Variants in RBFOX1 observed in about 807,000 individuals in gnomAD.
RBFOX1 encodes the protein RNA binding protein fox-1 homolog 1.
RBFOX1 carries 8 observed loss-of-function variants against 57.7 expected under a neutral mutation model. The ratio of observed to expected loss-of-function variants is 0.14; its 90% CI spans 0.08 to 0.25. The LOEUF (loss-of-function observed/expected upper bound fraction) is 0.25, where lower values mean the gene tolerates loss of function less well. RBFOX1 is among the 10% of genes least tolerant of loss of function. The pLI is 1.00. For missense variants in RBFOX1, 611 were observed against 548.5 expected (o/e 1.11, Z -1.14); for synonymous variants, 326 against 222.4 (o/e 1.47, Z -4.15).
intron 3 of RBFOX1, among the ~76,000 whole-genome samples, chr16:6,860,677 G>A (rs1030706361): frequency 4.6e-5 from 7 of 152,148 alleles, no homozygotes; most frequent in Admixed American, 3.9e-4. Flanking sequence ...AAGATAAATT[G>A]TAGCAAAAGT....
chr16:6,840,127 TTTA>T (rs1480492305), intron 3 of RBFOX1, among the ~76,000 whole-genome samples: 10 of 152,148 alleles, frequency 6.6e-5, no homozygotes, highest in African/African-American at 2.2e-4. Context: ...TCTTGGTGAG[TTTA>T]TTTTTTCATG....
At chr16:6,483,437 C>A in intron 2 of RBFOX1, 2 of 1,535,612 alleles carry the variant, frequency 1.3e-6, no homozygotes, top group Middle Eastern at 1.7e-4. Context: ...TTTGCTGTTG[C>A]CTCGGACTTC....
At chr16:5,408,768 A>T (rs2151458070) in intron 1 of RBFOX1, among the ~76,000 whole-genome samples, 1 of 152,352 alleles carries the variant, frequency 6.6e-6, no homozygotes, top group Admixed American at 6.5e-5. Flanking sequence ...AAGCAGGAGC[A>T]GGCACTTCCC....
intron 4 of RBFOX1, among the ~76,000 whole-genome samples, chr16:7,461,144 T>A (rs1365646693): frequency 2.0e-5 from 3 of 152,060 alleles, no homozygotes; most frequent in African/African-American, 7.2e-5. Flanking sequence ...TGATAAGAAT[T>A]GACTGAGGAT....
intron 2 of RBFOX1, among the ~76,000 whole-genome samples, chr16:6,552,942 C>G (rs888412320): frequency 3.3e-5 from 5 of 152,030 alleles, no homozygotes; most frequent in African/African-American, 1.2e-4. Context: ...ATGTTACAAT[C>G]TTTTCTAATT....
At chr16:7,697,363 A>G (rs1031940672) in intron 14 of RBFOX1, among the ~76,000 whole-genome samples, 1 of 152,158 alleles carries the variant, frequency 6.6e-6, no homozygotes, top group African/African-American at 2.4e-5. Context: ...AGTTAATTCC[A>G]TGGAGCACCA....
At chr16:6,400,682 T>A (rs1307005970) in intron 2 of RBFOX1, among the ~76,000 whole-genome samples, 1 of 152,080 alleles carries the variant, frequency 6.6e-6, no homozygotes, top group Non-Finnish European at 1.5e-5. Context: ...TCAAGAGTGA[T>A]TTCAAGTGAA....
intron 4 of RBFOX1, among the ~76,000 whole-genome samples, chr16:7,189,427 A>G (rs1602363198): frequency 1.1e-5 from 1 of 94,776 alleles, no homozygotes. Flanking sequence ...CTCCCTCTCA[A>G]AAAAAAAAAA....
At chr16:6,257,683 T>C (rs1019693547) in intron 1 of RBFOX1, among the ~76,000 whole-genome samples, 1 of 152,188 alleles carries the variant, frequency 6.6e-6, no homozygotes, top group African/African-American at 2.4e-5. Flanking sequence ...TATTTGGTTT[T>C]CTATTCCTGC....
chr16:7,560,680 A>G lies in RBFOX1; in HGVS notation c.271-19097A>G, dbSNP rs968421363. On this transcript the variant is annotated intron_variant, in intron 5 of 15. Transcript: ENST00000550418. Reference sequence around the variant, plus strand: ...AATTGAGATTCAGAAAGGGCGAGTGACTTTCTCAGTCACACAGCATCATGT... The same window carrying G: ...AATTGAGATTCAGAAAGGGCGAGTGGCTTTCTCAGTCACACAGCATCATGT... 1.4e-4 allele frequency among the ~76,000 whole-genome samples: 21 copies of G among 152,194 alleles called. No homozygotes were observed. In the East Asian group the frequency reaches 3.5e-3, roughly 25 times the overall value.
At chr16:6,506,062 G>C (rs534473752) in intron 2 of RBFOX1, among the ~76,000 whole-genome samples, 1 of 152,200 alleles carries the variant, frequency 6.6e-6, no homozygotes, top group Non-Finnish European at 1.5e-5. Flanking sequence ...TAGCAAAGCA[G>C]TTAGCAAAGG....
At chr16:5,556,678 C>T (rs1597511287) in intron 2 of RBFOX1, among the ~76,000 whole-genome samples, 1 of 152,210 alleles carries the variant, frequency 6.6e-6, no homozygotes, top group Admixed American at 6.5e-5. Context: ...GGGCACCTTC[C>T]ATGTGATACT....
chr16:5,849,818 A>G (rs895999441), intron 3 of RBFOX1, among the ~76,000 whole-genome samples: 1 of 152,108 alleles, frequency 6.6e-6, no homozygotes, highest in Non-Finnish European at 1.5e-5. Flanking sequence ...TTGTGCTGTC[A>G]TTTGTTCCCA....
intron 3 of RBFOX1, among the ~76,000 whole-genome samples, chr16:5,755,197 A>T (rs982562309): frequency 1.5e-5 from 2 of 131,934 alleles, no homozygotes; most frequent in African/African-American, 5.9e-5. Context: ...TTGACACAGC[A>T]CACGTTTCAG....
chr16:5,672,276 A>G (rs2050034925), intron 3 of RBFOX1, among the ~76,000 whole-genome samples: 1 of 152,156 alleles, frequency 6.6e-6, no homozygotes, highest in Admixed American at 6.5e-5. Context: ...TCTGATGAGT[A>G]AAATGAATTA....
chr16:7,039,020 T>C (rs2045359765), intron 3 of RBFOX1, among the ~76,000 whole-genome samples: 2 of 140,468 alleles, frequency 1.4e-5, no homozygotes, highest in South Asian at 5.0e-4. Context: ...GTACCATTAT[T>C]ACCAAACAAT....
intron 3 of RBFOX1, among the ~76,000 whole-genome samples, chr16:5,783,043 C>A (rs1307958784): frequency 6.6e-6 from 1 of 152,116 alleles, no homozygotes; most frequent in African/African-American, 2.4e-5. Context: ...ATGGACACAC[C>A]CAGAAGTAAT....
intron 3 of RBFOX1, among the ~76,000 whole-genome samples, chr16:6,878,721 G>T (rs893156365): frequency 3.9e-5 from 6 of 152,134 alleles, no homozygotes; most frequent in Non-Finnish European, 8.8e-5. Context: ...GCAAGGGCAA[G>T]AAATGGAAAC....
At chr16:6,666,092 C>T (rs902366548) in intron 3 of RBFOX1, among the ~76,000 whole-genome samples, 6 of 152,286 alleles carry the variant, frequency 3.9e-5, no homozygotes, top group Non-Finnish European at 8.8e-5. Context: ...CCATATAAAA[C>T]GTGCCTTTTG....
Sources: allele counts gnomAD v4.1 joint callset (sites outside exome capture counted in the v4.1 genomes callset), GRCh38; gene constraint gnomAD v4.1.1; transcripts MANE v1.5; gene names NCBI Gene and HGNC (gene_info 2026-07-23, HGNC 2026-07-21).